Variants in AGBL1 observed in about 807,000 individuals in gnomAD.
AGBL1 encodes AGBL carboxypeptidase 1, also known as cytosolic carboxypeptidase 4.
Under a neutral mutation model 118.9 loss-of-function variants are expected in AGBL1, and 130 were observed. The ratio of observed to expected loss-of-function variants is 1.09; its 90% confidence interval spans 0.95 to 1.26. The LOEUF (loss-of-function observed/expected upper bound fraction) is 1.26. AGBL1 is among the 50% of genes most tolerant of loss of function. The pLI is 0.00. For missense variants in AGBL1, 1,584 were observed against 1,298.1 expected (o/e 1.22, Z -3.38); for synonymous variants, 555 against 478.9 (o/e 1.16, Z -2.08).
At chr15:86,971,228 T>C (rs1473180044) in intron 23 of AGBL1, among the ~76,000 whole-genome samples, 3 of 152,036 alleles carry the variant, frequency 2.0e-5, no homozygotes, top group African/African-American at 7.2e-5. Flanking sequence ...ACTGTCATAC[T>C]TGGATGTAGA....
At chr15:86,518,011 C>T (rs548641402) in intron 18 of AGBL1, among the ~76,000 whole-genome samples, 1 of 152,330 alleles carries the variant, frequency 6.6e-6, no homozygotes, top group Admixed American at 6.5e-5. Context: ...AACATGCTGC[C>T]TCTCTTTAGG....
chr15:86,759,071 G>A (rs1199596472), intron 22 of AGBL1, among the ~76,000 whole-genome samples: 2 of 151,976 alleles, frequency 1.3e-5, no homozygotes, highest in African/African-American at 4.8e-5. Flanking sequence ...TGAATCAAAG[G>A]AGTTTAAATT....
intron 5 of AGBL1, among the ~76,000 whole-genome samples, chr15:86,195,088 A>G (rs1307664658): frequency 1.3e-5 from 2 of 152,106 alleles, no homozygotes; most frequent in African/African-American, 2.4e-5. Context: ...CTTTTTCATC[A>G]TGCATTTATT....
intron 6 of AGBL1, among the ~76,000 whole-genome samples, chr15:86,244,191 G>A (rs1421335585): frequency 6.6e-6 from 1 of 152,080 alleles, no homozygotes; most frequent in Non-Finnish European, 1.5e-5. Context: ...CGCTGTTTAT[G>A]TAAACAGACT....
intron 21 of AGBL1, among the ~76,000 whole-genome samples, chr15:86,650,913 G>A (rs1031020414): frequency 6.6e-6 from 1 of 152,162 alleles, no homozygotes; most frequent in African/African-American, 2.4e-5. Flanking sequence ...GGATTTCATT[G>A]ACTTCACAGT....
chr15:86,217,831 G>A (rs1261716648), intron 5 of AGBL1, among the ~76,000 whole-genome samples: 3 of 144,520 alleles, frequency 2.1e-5, no homozygotes, highest in Non-Finnish European at 1.5e-5. Context: ...CCTGGTCCAT[G>A]TTTCAGATTT....
chr15:86,411,668 G>T (rs1336010126), intron 18 of AGBL1, among the ~76,000 whole-genome samples: 4 of 151,898 alleles, frequency 2.6e-5, no homozygotes, highest in African/African-American at 9.7e-5. Context: ...GCTTCTTTCT[G>T]CCCCCTACCC....
chr15:86,845,595 C>A (rs1213588921), intron 22 of AGBL1, among the ~76,000 whole-genome samples: 1 of 151,956 alleles, frequency 6.6e-6, no homozygotes, highest in African/African-American at 2.4e-5. Flanking sequence ...GATACTGGCC[C>A]CATATATTGA....
intron 22 of AGBL1, among the ~76,000 whole-genome samples, chr15:86,885,782 C>T (rs1176347917): frequency 6.6e-6 from 1 of 152,182 alleles, no homozygotes; most frequent in Non-Finnish European, 1.5e-5. Flanking sequence ...ATGCTCTGAG[C>T]CCAAGAGCCA....
rs144011845 is a variant in AGBL1 at position 86,826,203 on chromosome 15, T to G, written c.3159-80884T>G. 1.5e-3 allele frequency among the ~76,000 whole-genome samples: 232 copies of G among 152,246 alleles called. 1 individual carries two copies. Among genetic ancestry groups the G allele is most frequent in the African/African-American group, 5.3e-3 (220 of 41,548 alleles). ...AGCTTCTACACATCAAATCCCTATA[T>G]TAAGGAGATAGAGATCCCTTTGCCT... On this transcript the variant is annotated intron_variant, in intron 22 of 22. Transcript: ENST00000614907.
At chr15:86,390,408 A>G (rs991062330) in intron 17 of AGBL1, among the ~76,000 whole-genome samples, 1 of 152,150 alleles carries the variant, frequency 6.6e-6, no homozygotes, top group African/African-American at 2.4e-5. Context: ...ATTGGTGTAT[A>G]TGGGACATTG....
chr15:86,575,426 G>A (rs1419780908), intron 21 of AGBL1, among the ~76,000 whole-genome samples: 2 of 151,872 alleles, frequency 1.3e-5, no homozygotes, highest in African/African-American at 2.4e-5. Flanking sequence ...CTTGAGCCTG[G>A]GAAGTTGAGG....
intron 22 of AGBL1, among the ~76,000 whole-genome samples, chr15:86,847,056 T>G (rs1037132144): frequency 5.3e-5 from 8 of 152,216 alleles, no homozygotes; most frequent in African/African-American, 1.9e-4. Context: ...TACTATTGAG[T>G]TCCTTTAATA....
chr15:86,164,431 A>G (rs541513706), intron 5 of AGBL1, among the ~76,000 whole-genome samples: 52 of 152,306 alleles, frequency 3.4e-4, no homozygotes, highest in Middle Eastern at 3.4e-3. Context: ...TTGTCTGCGA[A>G]TGACTCATCT....
chr15:86,949,899 G>A (rs1260412173), intron 23 of AGBL1, among the ~76,000 whole-genome samples: 1 of 151,816 alleles, frequency 6.6e-6, no homozygotes, highest in Non-Finnish European at 1.5e-5. Flanking sequence ...ATTATATACT[G>A]GGCCTTTAAG....
chr15:86,690,571 G>A (rs1351134144), intron 22 of AGBL1, among the ~76,000 whole-genome samples: 1 of 152,158 alleles, frequency 6.6e-6, no homozygotes, highest in Non-Finnish European at 1.5e-5. Context: ...TTGAAAAGTG[G>A]CAAGGAACTG....
At chr15:86,136,958 T>C (rs563886104) in intron 1 of AGBL1, among the ~76,000 whole-genome samples, 1 of 152,200 alleles carries the variant, frequency 6.6e-6, no homozygotes, top group African/African-American at 2.4e-5. Context: ...ATAGGATTTT[T>C]TTCAACAACA....
chr15:86,672,958 T>C (rs192250374), intron 21 of AGBL1, among the ~76,000 whole-genome samples: 22 of 152,324 alleles, frequency 1.4e-4, no homozygotes, highest in African/African-American at 4.3e-4. Context: ...AGGCTTATGA[T>C]TTCCCAGTTT....
rs181521011 is a variant in AGBL1 at position 86,889,459 on chromosome 15, A to G, written c.3159-17628A>G. On this transcript the variant is annotated intron_variant, in intron 22 of 22. Coordinates refer to ENST00000614907, the MANE Select transcript of AGBL1 (RefSeq NM_001386094.1). Reference sequence around the variant, plus strand: ...TTTCTTACACAGGTGAACATGTGCTATGGTGGTTTGCTGCACAGATCGACC... The same window carrying G: ...TTTCTTACACAGGTGAACATGTGCTGTGGTGGTTTGCTGCACAGATCGACC... 1.6e-3 allele frequency among the ~76,000 whole-genome samples: 247 copies of G among 152,146 alleles called. 1 individual carries two copies. The highest frequency in any genetic ancestry group is 5.7e-3 in the African/African-American group (237 of 41,508).
Sources: gnomAD v4.1 joint callset for allele counts (sites outside exome capture counted in the v4.1 genomes callset) on GRCh38, gnomAD v4.1.1 for gene constraint, MANE v1.5 for transcripts, NCBI Gene and HGNC (gene_info 2026-07-23, HGNC 2026-07-21) for gene names.